The following RAPGEF6 variants were observed in gnomAD, a reference collection of about 807,000 sequenced individuals.
The protein encoded by RAPGEF6 is Rap guanine nucleotide exchange factor 6, also known as PDZ domain containing guanine nucleotide exchange factor (GEF) 2.
RAPGEF6 carries 56 observed loss-of-function variants against 171.4 expected under a neutral mutation model. The observed-to-expected ratio is 0.33, with a 90% CI of 0.26 to 0.41. RAPGEF6 has a LOEUF of 0.41. Among genes scored for constraint, RAPGEF6 ranks in the 10% least tolerant of loss-of-function variants. The pLI is 1.00. For missense variants in RAPGEF6, 1,674 were observed against 1,921.4 expected (o/e 0.87, Z 2.41); for synonymous variants, 692 against 650.1 (o/e 1.06, Z -0.98).
intron 1 of RAPGEF6, among the ~76,000 whole-genome samples, chr5:131,607,053 C>T (rs1176359253): frequency 6.6e-6 from 1 of 152,170 alleles, no homozygotes; most frequent in Non-Finnish European, 1.5e-5. Context: ...AATGGTCATT[C>T]CCCACTCCCT....
At chr5:131,481,170 C>T (rs1284380802) in intron 15 of RAPGEF6, among the ~76,000 whole-genome samples, 1 of 151,954 alleles carries the variant, frequency 6.6e-6, no homozygotes, top group Non-Finnish European at 1.5e-5. Context: ...GGTGATCCAC[C>T]TGCCTCGGCC....
chr5:131,561,959 C>T lies in RAPGEF6; in HGVS notation c.351+19G>A. The T allele has an allele frequency of 6.4e-7, 1 of 1,555,122 alleles. No homozygotes were observed. Among genetic ancestry groups the T allele is most frequent in the South Asian group, 1.1e-5 (1 of 87,876 alleles). ...CTGAAGCATATCAAAAACAATTCAGCATTCTTTAAAGTTCTTACCACAATC... is the reference window on the plus strand; with the variant it reads ...CTGAAGCATATCAAAAACAATTCAGTATTCTTTAAAGTTCTTACCACAATC... On this transcript the variant is annotated intron_variant, in intron 5 of 27. Coordinates refer to ENST00000509018, the MANE Select transcript of RAPGEF6 (RefSeq NM_016340.6).
At chr5:131,587,814 C>T (rs1763346076) in intron 4 of RAPGEF6, among the ~76,000 whole-genome samples, 1 of 152,102 alleles carries the variant, frequency 6.6e-6, no homozygotes, top group African/African-American at 2.4e-5. Flanking sequence ...TCTCCTTTCT[C>T]CCTTGAAAAC....
chr5:131,616,716 T>G (rs1765284348), intron 1 of RAPGEF6, among the ~76,000 whole-genome samples: 11 of 152,160 alleles, frequency 7.2e-5, no homozygotes, highest in Middle Eastern at 3.4e-3. Context: ...CACTGCAGCC[T>G]CAACCTCCCA....
intron 17 of RAPGEF6, among the ~76,000 whole-genome samples, chr5:131,469,403 A>C (rs1199452420): frequency 1.3e-5 from 2 of 152,152 alleles, no homozygotes; most frequent in Non-Finnish European, 2.9e-5. Flanking sequence ...TAAGTTTACT[A>C]TATGAAATAA....
At chr5:131,530,949 G>A (rs1046194096) in intron 6 of RAPGEF6, among the ~76,000 whole-genome samples, 1 of 152,092 alleles carries the variant, frequency 6.6e-6, no homozygotes, top group Non-Finnish European at 1.5e-5. Context: ...GGGCCATATA[G>A]GTGTCATTTT....
rs191444872 is a variant in RAPGEF6, at chr5:131,539,111, C to G, written c.495+8936G>C. ...GCTGAAGATTCTTAGAGGTGGGGAT[C>G]CAAACTTCTCAGTAGTAGTGTGATC... is the stretch of plus-strand genomic sequence containing the variant. On this transcript the variant is annotated intron_variant, in intron 6 of 27. Coordinates refer to ENST00000509018, the MANE Select transcript of RAPGEF6 (RefSeq NM_016340.6). 7.9e-5 allele frequency among the ~76,000 whole-genome samples: 12 copies of G among 152,202 alleles called. 1 individual carries two copies. The highest frequency in any genetic ancestry group is 7.9e-4 in the Admixed American group (12 of 15,272).
chr5:131,614,558 G>C (rs1445035602), intron 1 of RAPGEF6, among the ~76,000 whole-genome samples: 1 of 152,176 alleles, frequency 6.6e-6, no homozygotes, highest in Non-Finnish European at 1.5e-5. Flanking sequence ...ACCATCACGA[G>C]AACAGCAAGG....
intron 4 of RAPGEF6, among the ~76,000 whole-genome samples, chr5:131,564,938 A>C (rs1029490495): frequency 1.3e-5 from 2 of 152,264 alleles, no homozygotes; most frequent in African/African-American, 4.8e-5. Context: ...CCATTTATAA[A>C]GTTTCCTCTC....
At chr5:131,607,071 T>C (rs1417053829) in intron 1 of RAPGEF6, among the ~76,000 whole-genome samples, 1 of 152,196 alleles carries the variant, frequency 6.6e-6, no homozygotes, top group Non-Finnish European at 1.5e-5. Context: ...CCTCAGTTTA[T>C]AATTAGAATT....
At chr5:131,629,716 G>A (rs144088419) in intron 1 of RAPGEF6, among the ~76,000 whole-genome samples, 4 of 148,444 alleles carry the variant, frequency 2.7e-5, no homozygotes, top group African/African-American at 7.5e-5. Context: ...TTACGCCACT[G>A]CACTCCAACC....
intron 17 of RAPGEF6, among the ~76,000 whole-genome samples, chr5:131,467,408 G>A (rs1406442526): frequency 6.6e-6 from 1 of 152,192 alleles, no homozygotes; most frequent in East Asian, 1.9e-4. Flanking sequence ...TGTCAACTTG[G>A]AAAAGCAATG....
intron 9 of RAPGEF6, among the ~76,000 whole-genome samples, chr5:131,506,631 G>T (rs1391171056): frequency 6.6e-6 from 1 of 152,010 alleles, no homozygotes; most frequent in Non-Finnish European, 1.5e-5. Context: ...TTAAAAATAA[G>T]ATATACTCAC....
chr5:131,499,453 C>T (rs1387048290), intron 11 of RAPGEF6, among the ~76,000 whole-genome samples: 3 of 151,774 alleles, frequency 2.0e-5, no homozygotes, highest in Non-Finnish European at 4.4e-5. Context: ...TGGTGGCCGG[C>T]GCCTATAATC....
At chr5:131,499,837 GTTCT>G (rs1756899731) in intron 11 of RAPGEF6, among the ~76,000 whole-genome samples, 1 of 152,058 alleles carries the variant, frequency 6.6e-6, no homozygotes, top group South Asian at 2.1e-4. Flanking sequence ...TACTAACAAT[GTTCT>G]TTATCTAAGA....
At chr5:131,620,200 A>G (rs1023917357) in intron 1 of RAPGEF6, among the ~76,000 whole-genome samples, 1 of 152,116 alleles carries the variant, frequency 6.6e-6, no homozygotes. Flanking sequence ...AGTTTATGTT[A>G]CCAGAACTGC....
intron 15 of RAPGEF6, among the ~76,000 whole-genome samples, chr5:131,484,880 T>C (rs1755769747): frequency 6.6e-6 from 1 of 152,212 alleles, no homozygotes; most frequent in South Asian, 2.1e-4. Flanking sequence ...TCAAAATATA[T>C]GCACTTACTA....
Position 131,427,181 on chromosome 5 carries a change from G to T in RAPGEF6, c.*85C>A. On this transcript the variant is annotated 3_prime_UTR_variant, in exon 28 of 28. Transcript: ENST00000509018. ...GACTGGTTGTAGCAATGAGCTGTTC[G>T]TTAGCAATGGCCTGCAGAATCATGA... 4 of 1,301,884 alleles carry T rather than the reference G, an allele frequency of 3.1e-6. No homozygotes were observed. Among genetic ancestry groups the T allele is most frequent in the Non-Finnish European group, 4.5e-6 (4 of 896,428 alleles). 80.6% of individuals were successfully genotyped at this position (1,301,884 alleles called of 1,614,324 possible).
chr5:131,454,772 C>T (rs1190601460), intron 20 of RAPGEF6, among the ~76,000 whole-genome samples: 1 of 152,096 alleles, frequency 6.6e-6, no homozygotes, highest in African/African-American at 2.4e-5. Context: ...AAAAACAAAA[C>T]CCCACACTTA....
Sources: allele counts gnomAD v4.1 joint callset (sites outside exome capture counted in the v4.1 genomes callset), GRCh38; gene constraint gnomAD v4.1.1; transcripts MANE v1.5; gene names NCBI Gene and HGNC (gene_info 2026-07-23, HGNC 2026-07-21).